Variants in CSMD3 observed in about 807,000 individuals in gnomAD.
CSMD3 encodes the protein CUB and sushi domain-containing protein 3.
CSMD3 carries 177 observed loss-of-function variants against 435.2 expected under a neutral mutation model. The ratio of observed to expected loss-of-function variants is 0.41; its 90% CI spans 0.36 to 0.46. The LOEUF (loss-of-function observed/expected upper bound fraction) is 0.46. Ranked by LOEUF, CSMD3 falls within the 20% of genes least tolerant of loss-of-function variation. The probability of loss-of-function intolerance (pLI) is 0.34; values close to 1 mark genes in which losing one functional copy is unlikely to be tolerated. For synonymous variants in CSMD3, 1,656 were observed against 1,520.5 expected (o/e 1.09, Z -2.07); for missense variants, 4,265 against 4,504.6 (o/e 0.95, Z 1.52).
chr8:112,724,766 AGAT>A (rs745525981), intron 13 of CSMD3, among the ~76,000 whole-genome samples: 9 of 152,082 alleles, frequency 5.9e-5, no homozygotes, highest in Non-Finnish European at 1.2e-4. Flanking sequence ...AGAGACAAAA[AGAT>A]GATGAAGTTG....
chr8:112,255,900 T>C (rs1052130457), intron 61 of CSMD3: 2 of 154,896 alleles, frequency 1.3e-5, no homozygotes, highest in Admixed American at 6.4e-5. Context: ...GTACCCTGTA[T>C]ACTTTGAATA....
intron 12 of CSMD3, among the ~76,000 whole-genome samples, chr8:112,814,648 T>A (rs536907848): frequency 6.6e-6 from 1 of 151,924 alleles, no homozygotes; most frequent in South Asian, 2.1e-4. Flanking sequence ...TCCAGCATGG[T>A]GGTGTGTGCT....
At chr8:112,361,574 T>TATATAC (rs1827221031) in intron 38 of CSMD3, among the ~76,000 whole-genome samples, 1 of 4,170 alleles carries the variant, frequency 2.4e-4, no homozygotes, top group Non-Finnish European at 6.5e-4. Context: ...TACACATACA[T>TATATAC]ATATATATAT....
chr8:112,363,920 T>C (rs540900357), intron 38 of CSMD3, among the ~76,000 whole-genome samples: 124 of 152,174 alleles, frequency 8.1e-4, no homozygotes, highest in Non-Finnish European at 1.5e-3. Flanking sequence ...ATTACATTTA[T>C]GAATGTTGAT....
At chr8:112,559,250 T>C (rs1229434767) in intron 24 of CSMD3, among the ~76,000 whole-genome samples, 2 of 151,882 alleles carry the variant, frequency 1.3e-5, no homozygotes, top group Non-Finnish European at 2.9e-5. Flanking sequence ...TTTACAGAAA[T>C]CTCTAGGTTA....
intron 13 of CSMD3, among the ~76,000 whole-genome samples, chr8:112,749,288 G>A (rs1464720621): frequency 6.6e-6 from 1 of 152,052 alleles, no homozygotes; most frequent in Non-Finnish European, 1.5e-5. Context: ...CATTCTGCAG[G>A]TTATCTGTTT....
At chr8:112,928,670 C>A (rs1480613914) in intron 9 of CSMD3, among the ~76,000 whole-genome samples, 4 of 149,346 alleles carry the variant, frequency 2.7e-5, no homozygotes, top group Admixed American at 6.7e-5. Context: ...GCCACATTTT[C>A]TTAATCCAGT....
rs112042057 is a variant in CSMD3, at chr8:113,011,607, C to T, written c.1030+7460G>A. ...TTTCAATATTGCAATAACTAAAACTCCTTCTTTACATTTATAAACTTTCCC... is the reference window on the plus strand; with the variant it reads ...TTTCAATATTGCAATAACTAAAACTTCTTCTTTACATTTATAAACTTTCCC... On this transcript the variant is annotated intron_variant, in intron 6 of 70. Coordinates refer to ENST00000297405, the MANE Select transcript of CSMD3 (RefSeq NM_198123.2). 3.5e-3 allele frequency among the ~76,000 whole-genome samples: 537 copies of T among 151,786 alleles called. 3 individuals carry two copies. Among genetic ancestry groups the T allele is most frequent in the African/African-American group, 0.012 (501 of 41,486 alleles).
intron 13 of CSMD3, among the ~76,000 whole-genome samples, chr8:112,746,434 C>T (rs1230548126): frequency 6.6e-6 from 1 of 152,060 alleles, no homozygotes; most frequent in Non-Finnish European, 1.5e-5. Context: ...AGTAGCTCCC[C>T]ATGTGGTATT....
intron 48 of CSMD3, 88 bp downstream of exon 48, chr8:112,314,341 A>G: frequency 1.0e-6 from 1 of 964,010 alleles, no homozygotes; most frequent in Non-Finnish European, 1.7e-6. Flanking sequence ...AACTCACATA[A>G]GCAGCTGTTT....
intron 3 of CSMD3, among the ~76,000 whole-genome samples, chr8:113,243,897 A>G (rs906855321): frequency 2.0e-5 from 3 of 152,078 alleles, no homozygotes; most frequent in Non-Finnish European, 2.9e-5. Flanking sequence ...GGTTATTTTA[A>G]TATCTTTTTT....
intron 4 of CSMD3, among the ~76,000 whole-genome samples, chr8:113,131,223 G>T (rs2091275436): frequency 6.6e-6 from 1 of 152,094 alleles, no homozygotes; most frequent in Non-Finnish European, 1.5e-5. Flanking sequence ...TGAATAACAA[G>T]GAGTCAAATG....
At chr8:113,413,172 G>C (rs1463941531) in intron 1 of CSMD3, among the ~76,000 whole-genome samples, 11 of 152,096 alleles carry the variant, frequency 7.2e-5, no homozygotes, top group Non-Finnish European at 1.5e-4. Flanking sequence ...AAGGTCACTG[G>C]CTTGAAAATA....
At chr8:113,252,471 G>A (rs557733229) in intron 3 of CSMD3, among the ~76,000 whole-genome samples, 12 of 151,490 alleles carry the variant, frequency 7.9e-5, no homozygotes, top group East Asian at 5.8e-4. Flanking sequence ...TTTTTTTACC[G>A]TTTTCTTCAA....
At chr8:113,029,050 G>T (rs1158859233) in intron 5 of CSMD3, among the ~76,000 whole-genome samples, 2 of 151,502 alleles carry the variant, frequency 1.3e-5, no homozygotes, top group African/African-American at 2.4e-5. Context: ...GTTGTCAGGG[G>T]TTAATGAAGC....
chr8:112,947,290 T>C (rs1456231898), intron 9 of CSMD3, among the ~76,000 whole-genome samples: 2 of 151,850 alleles, frequency 1.3e-5, no homozygotes, highest in Non-Finnish European at 2.9e-5. Context: ...AAATTAATAC[T>C]AATTTGTGAT....
intron 38 of CSMD3, among the ~76,000 whole-genome samples, chr8:112,356,272 C>T (rs868049134): frequency 8.5e-5 from 13 of 152,138 alleles, no homozygotes; most frequent in African/African-American, 3.1e-4. Context: ...GACATGAAAT[C>T]AACCTAGGTG....
In CSMD3 at chr8:112,866,137, T is replaced by A. The variant is rs564455802; in HGVS notation, c.1634-6871A>T. Among the ~76,000 whole-genome samples the A allele has an allele frequency of 3.9e-5, 6 of 152,296 alleles. No homozygotes were observed. The South Asian group carries it at 1.2e-3, about 32-fold the overall frequency. On this transcript the variant is annotated intron_variant, in intron 10 of 70. Coordinates refer to ENST00000297405, the MANE Select transcript of CSMD3 (RefSeq NM_198123.2). The stretch of plus-strand genomic sequence containing the variant: ...TGATGGTATGAGGAGTATGATAGCA[T>A]ATGTCATTAAAGGAGTTATTAGTAT...
intron 5 of CSMD3, among the ~76,000 whole-genome samples, chr8:113,060,044 CAGGTT>C (rs1250479276): frequency 6.9e-6 from 1 of 145,290 alleles, no homozygotes; most frequent in Non-Finnish European, 1.5e-5. Flanking sequence ...GCACATTGTG[CAGGTT>C]AGTTACATAT....
Sources: gnomAD v4.1 joint callset for allele counts (sites outside exome capture counted in the v4.1 genomes callset) on GRCh38, gnomAD v4.1.1 for gene constraint, MANE v1.5 for transcripts, NCBI Gene and HGNC (gene_info 2026-07-23, HGNC 2026-07-21) for gene names.